The following DPP10 variants were observed in gnomAD, a reference collection of about 807,000 sequenced individuals.
The protein encoded by DPP10 is inactive dipeptidyl peptidase 10.
DPP10 carries 33 observed loss-of-function variants against 120.9 expected under a neutral mutation model. The observed-to-expected ratio is 0.27, with a 90% CI of 0.21 to 0.37. The LOEUF is 0.37. Among genes scored for constraint, DPP10 ranks in the 10% least tolerant of loss-of-function variants. The pLI is 1.00. For synonymous variants in DPP10, 337 were observed against 326.1 expected, an observed-to-expected ratio of 1.03 and a Z score of -0.36; for missense variants, 816 against 942.8, an observed-to-expected ratio of 0.87 and a Z score of 1.76.
chr2:115,625,385 T>C (rs1162852180), intron 5 of DPP10, among the ~76,000 whole-genome samples: 2 of 152,152 alleles, frequency 1.3e-5, no homozygotes, highest in East Asian at 1.9e-4. Flanking sequence ...CCCATGTAAC[T>C]ATAGCCAGAT....
At chr2:114,813,503 C>T (rs1685360935) in intron 1 of DPP10, among the ~76,000 whole-genome samples, 1 of 152,156 alleles carries the variant, frequency 6.6e-6, no homozygotes, top group Non-Finnish European at 1.5e-5. Context: ...TCCTTCTCAA[C>T]AATCCTGTGC....
intron 1 of DPP10, among the ~76,000 whole-genome samples, chr2:114,754,360 A>G (rs1196489168): frequency 2.6e-5 from 4 of 152,186 alleles, no homozygotes; most frequent in Non-Finnish European, 5.9e-5. Context: ...CTTTTATATC[A>G]TTGCCCATTC....
rs150530543 is a variant in DPP10, at chr2:115,782,386, G to A, written c.1518G>A (p.Thr506=). The change falls in exon 17 of 26, where the codon ACG becomes ACA. Residue 506 remains threonine (T), a synonymous_variant. Coordinates refer to ENST00000410059, the MANE Select transcript of DPP10 (RefSeq NM_020868.6). ...PRVPVVSLHS[T]DNPAKYFILE... ...TCCCAGTGGTCAGCCTACATAGTAC[G>A]GACAACCCAGCAAGTGAGTACACAA... The A allele has an allele frequency of 3.1e-5, 50 of 1,611,998 alleles. No homozygotes were observed. Among genetic ancestry groups the A allele is most frequent in the African/African-American group, 3.1e-4 (23 of 74,906 alleles).
At chr2:115,164,516 A>G (rs1359823116) in intron 1 of DPP10, among the ~76,000 whole-genome samples, 1 of 152,202 alleles carries the variant, frequency 6.6e-6, no homozygotes, top group Admixed American at 6.6e-5. Context: ...TAAATAGGGC[A>G]CATGTTCCAA....
chr2:115,192,342 G>A (rs541086143), intron 1 of DPP10, among the ~76,000 whole-genome samples: 1 of 152,224 alleles, frequency 6.6e-6, no homozygotes, highest in African/African-American at 2.4e-5. Flanking sequence ...ACTTTGGAAT[G>A]GCCTTAAGCC....
intron 1 of DPP10, among the ~76,000 whole-genome samples, chr2:114,759,060 G>A (rs1198831138): frequency 1.3e-5 from 2 of 152,158 alleles, no homozygotes; most frequent in Non-Finnish European, 2.9e-5. Flanking sequence ...AGACTATTGA[G>A]ACAAATTAGG....
intron 3 of DPP10, among the ~76,000 whole-genome samples, chr2:115,462,282 A>G (rs2074033492): frequency 6.6e-6 from 1 of 152,068 alleles, no homozygotes; most frequent in Non-Finnish European, 1.5e-5. Flanking sequence ...CACTTCCTGG[A>G]TCCATTCCCC....
At chr2:114,707,908 G>A (rs1700783314) in intron 1 of DPP10, among the ~76,000 whole-genome samples, 1 of 152,094 alleles carries the variant, frequency 6.6e-6, no homozygotes, top group Non-Finnish European at 1.5e-5. Flanking sequence ...ATCCCAGGGG[G>A]ACTCTAAAAC....
chr2:115,442,149 T>A (rs546506893), intron 3 of DPP10, among the ~76,000 whole-genome samples: 20 of 152,092 alleles, frequency 1.3e-4, no homozygotes, highest in African/African-American at 4.3e-4. Context: ...ATTGGTTAAG[T>A]TTTTTTGTCT....
At chr2:115,467,969 C>T (rs1407307893) in intron 3 of DPP10, 2 of 262,182 alleles carry the variant, frequency 7.6e-6, no homozygotes, top group Non-Finnish European at 1.5e-5. Flanking sequence ...TAAGGATTCT[C>T]CTAAGGAAAT....
intron 1 of DPP10, among the ~76,000 whole-genome samples, chr2:115,257,867 G>T (rs747862356): frequency 2.6e-5 from 4 of 152,130 alleles, no homozygotes; most frequent in Non-Finnish European, 5.9e-5. Context: ...AGTCAGTAAT[G>T]TCAACAGAAT....
At chr2:115,324,526 C>T (rs935576670) in intron 2 of DPP10, among the ~76,000 whole-genome samples, 2 of 152,154 alleles carry the variant, frequency 1.3e-5, no homozygotes, top group Non-Finnish European at 2.9e-5. Flanking sequence ...GCCTTCTCAT[C>T]TCTCTCAGCC....
At chr2:115,251,968 A>G (rs2058772134) in intron 1 of DPP10, among the ~76,000 whole-genome samples, 2 of 152,302 alleles carry the variant, frequency 1.3e-5, no homozygotes, top group Admixed American at 6.5e-5. Context: ...GAAAATTGCT[A>G]CCAGACAATC....
rs374416739 is a variant in DPP10 at position 115,356,775 on chromosome 2, G to A, written c.271+12863G>A. Among the ~76,000 whole-genome samples, 170 of 152,112 alleles carry A rather than the reference G, an allele frequency of 1.1e-3. 3 individuals are homozygous for A. The South Asian group carries it at 0.034, about 30-fold the overall frequency. ...GTTTTTCTTTATCCAGTCCACTGTT[G>A]GTAGGATCCTTGGTTGATTCCATGT... On this transcript the variant is annotated intron_variant, in intron 3 of 25. Coordinates refer to ENST00000410059, the MANE Select transcript of DPP10 (RefSeq NM_020868.6).
chr2:115,273,370 C>A (rs1234075461), intron 1 of DPP10, among the ~76,000 whole-genome samples: 2 of 151,976 alleles, frequency 1.3e-5, no homozygotes, highest in Non-Finnish European at 2.9e-5. Flanking sequence ...TTGACCGAGT[C>A]TCCCTCTGTG....
intron 1 of DPP10, among the ~76,000 whole-genome samples, chr2:114,882,267 C>G (rs1254029144): frequency 6.6e-6 from 1 of 152,010 alleles, no homozygotes; most frequent in Non-Finnish European, 1.5e-5. Flanking sequence ...GAATGCCTAT[C>G]AGCCAACAGG....
intron 1 of DPP10, among the ~76,000 whole-genome samples, chr2:114,878,423 G>A (rs1382386978): frequency 1.3e-5 from 2 of 152,032 alleles, no homozygotes; most frequent in Non-Finnish European, 1.5e-5. Flanking sequence ...TCATTTCTTT[G>A]TGTTGGGAAA....
At chr2:114,608,666 C>A (rs922607521) in intron 1 of DPP10, among the ~76,000 whole-genome samples, 1 of 150,740 alleles carries the variant, frequency 6.6e-6, no homozygotes, top group Admixed American at 6.6e-5. Flanking sequence ...CCGGGTAAAG[C>A]AAATGTGGTA....
chr2:114,466,414 C>A (rs1422334904), intron 1 of DPP10, among the ~76,000 whole-genome samples: 1 of 152,072 alleles, frequency 6.6e-6, no homozygotes, highest in Non-Finnish European at 1.5e-5. Context: ...AAGGATGGAC[C>A]ATAGCAAAGG....
Sources: allele counts gnomAD v4.1 joint callset (sites outside exome capture counted in the v4.1 genomes callset), GRCh38; gene constraint gnomAD v4.1.1; transcripts MANE v1.5; gene names NCBI Gene and HGNC (gene_info 2026-07-23, HGNC 2026-07-21).